Variants in FGD5 observed in about 807,000 individuals in gnomAD.
The protein encoded by FGD5 is FYVE, RhoGEF and PH domain-containing protein 5.
FGD5 carries 28 observed loss-of-function variants against 133.4 expected under a neutral mutation model. That is an observed-to-expected ratio of 0.21 (90% confidence interval 0.16 to 0.29). The LOEUF (loss-of-function observed/expected upper bound fraction) is 0.29. Ranked by LOEUF, FGD5 falls within the 10% of genes least tolerant of loss-of-function variation. The probability of loss-of-function intolerance (pLI) is 1.00; values close to 1 mark genes in which losing one functional copy is unlikely to be tolerated. For missense variants in FGD5, 1,858 were observed against 1,895.2 expected (o/e 0.98, Z 0.36); for synonymous variants, 810 against 776.5 (o/e 1.04, Z -0.72).
chr3:14,830,192 A>G (rs138992347), intron 1 of FGD5, among the ~76,000 whole-genome samples: 3 of 152,316 alleles, frequency 2.0e-5, no homozygotes, highest in Non-Finnish European at 2.9e-5. Context: ...ATTAAGTTTC[A>G]TTGAAAGGAC....
intron 11 of FGD5, among the ~76,000 whole-genome samples, chr3:14,913,619 G>A (rs779943380): frequency 2.4e-4 from 37 of 152,200 alleles, no homozygotes; most frequent in Non-Finnish European, 5.3e-4. Context: ...ACAGGGCAGA[G>A]CTCTGTCTTG....
chr3:14,868,689 A>G (rs2037546171), intron 2 of FGD5, among the ~76,000 whole-genome samples: 2 of 152,104 alleles, frequency 1.3e-5, no homozygotes, highest in South Asian at 2.1e-4. Context: ...AACAATACTC[A>G]TCTCCTAGTG....
intron 2 of FGD5, among the ~76,000 whole-genome samples, chr3:14,870,699 C>A (rs907319848): frequency 6.6e-6 from 1 of 152,196 alleles, no homozygotes; most frequent in Non-Finnish European, 1.5e-5. Flanking sequence ...GGTGGCATCC[C>A]AGAGCACACC....
chr3:14,884,429 T>A (rs2037886316), intron 4 of FGD5, among the ~76,000 whole-genome samples: 1 of 152,226 alleles, frequency 6.6e-6, no homozygotes, highest in South Asian at 2.1e-4. Flanking sequence ...GTTTACTTCA[T>A]CACTGCCTTC....
At chr3:14,848,312 C>T (rs1175323727) in intron 1 of FGD5, among the ~76,000 whole-genome samples, 1 of 152,100 alleles carries the variant, frequency 6.6e-6, no homozygotes, top group East Asian at 1.9e-4. Context: ...AACGCCTGAA[C>T]CCCAGGACAG....
chr3:14,924,161 A>G (rs753159891), intron 17 of FGD5, 23 bp downstream of exon 17: 15 of 1,613,658 alleles, frequency 9.3e-6, no homozygotes, highest in Middle Eastern at 1.6e-4. Flanking sequence ...GGGCTACCCA[A>G]GTGGGAAGTA....
chr3:14,854,077 T>G (rs768422406), intron 1 of FGD5, among the ~76,000 whole-genome samples: 1 of 152,002 alleles, frequency 6.6e-6, no homozygotes, highest in African/African-American at 2.4e-5. Flanking sequence ...CGTGTTCTTA[T>G]TGACTCCCAC....
At chr3:14,876,152 A>G (rs2037715478) in intron 2 of FGD5, among the ~76,000 whole-genome samples, 2 of 152,308 alleles carry the variant, frequency 1.3e-5, no homozygotes, top group African/African-American at 2.4e-5. Context: ...GACCCTGGGC[A>G]TACTTGGGGA....
At position 14,918,853 on chromosome 3, in the gene FGD5, G is replaced by A. The variant is rs1466112299; in HGVS notation, c.3569+20G>A. ...TGCGAGGTACGGGCAGGTGGAGGGA[G>A]GATGGCGCACAAGGCAGAGGTGTGA... On this transcript the variant is annotated intron_variant, in intron 13 of 19. Coordinates refer to ENST00000285046, the MANE Select transcript of FGD5 (RefSeq NM_152536.4). 4 of 1,613,374 alleles carry A rather than the reference G, an allele frequency of 2.5e-6. No individual in the cohort carries two copies. Among genetic ancestry groups the A allele is most frequent in the Non-Finnish European group, 3.4e-6 (4 of 1,179,490 alleles).
intron 1 of FGD5, among the ~76,000 whole-genome samples, chr3:14,831,740 A>G (rs2036712411): frequency 6.6e-6 from 1 of 152,220 alleles, no homozygotes; most frequent in South Asian, 2.1e-4. Flanking sequence ...GTTTTAGAGC[A>G]AAGGGTGGGA....
chr3:14,864,113 CCTG>C lies in FGD5; in HGVS notation c.2526-12_2526-10del. On this transcript the variant is annotated splice_polypyrimidine_tract_variant and intron_variant, in intron 1 of 19. Transcript: ENST00000285046. ...ACAAAAAGCTTTAACCCTTCTTTCCCCTGCTTTGACCCAGCGCCTACACAGAGC... is the reference window on the plus strand; with the variant it reads ...ACAAAAAGCTTTAACCCTTCTTTCCCCTTTGACCCAGCGCCTACACAGAGC... 6.2e-7 allele frequency: 1 copy of C among 1,608,658 alleles called. No individual in the cohort carries two copies. The highest frequency in any genetic ancestry group is 8.5e-7 in the Non-Finnish European group (1 of 1,176,074).
Position 14,922,920 on chromosome 3 carries a change from A to G in FGD5, c.3808-126A>G, listed in dbSNP as rs956950724. 5 of 1,356,774 alleles carry G rather than the reference A, an allele frequency of 3.7e-6. No homozygotes were observed. Among genetic ancestry groups the G allele is most frequent in the East Asian group, 2.3e-5 (1 of 43,284 alleles). 84.0% of individuals were successfully genotyped at this position (1,356,774 alleles called of 1,614,324 possible). A position where few individuals can be genotyped will look rare whatever the true frequency, so the allele number is the denominator to read the frequency against. On this transcript the variant is annotated intron_variant, in intron 15 of 19. Coordinates refer to ENST00000285046, the MANE Select transcript of FGD5 (RefSeq NM_152536.4). This position sits in a 1 kb window ranked among gnomAD's most constrained non-coding sequence, Gnocchi z 4.1. ...AAAAGTAGGGGACACGCACAGCTCC[A>G]TGATCAGAACCTGGGGCTCCCTAGG...
chr3:14,840,006 T>G (rs2036888859), intron 1 of FGD5, among the ~76,000 whole-genome samples: 1 of 152,146 alleles, frequency 6.6e-6, no homozygotes, highest in African/African-American at 2.4e-5. Flanking sequence ...AAAATTCAGA[T>G]CTGCAGGGAA....
chr3:14,865,169 G>A (rs1432722876), intron 2 of FGD5, among the ~76,000 whole-genome samples: 2 of 150,916 alleles, frequency 1.3e-5, no homozygotes, highest in African/African-American at 4.9e-5. Flanking sequence ...GACTGGAGAG[G>A]CAAAGAGTGA....
At position 14,914,967 on chromosome 3, in the gene FGD5, G is replaced by C. The variant is rs1052723206; in HGVS notation, c.3406-2282G>C. Among the ~76,000 whole-genome samples, 4 of 152,258 alleles carry C rather than the reference G, an allele frequency of 2.6e-5. No individual in the cohort carries two copies. The South Asian group carries it at 8.3e-4, about 32-fold the overall frequency. ...CAAGAACAGGGCTTCACAAACTAGA[G>C]CTGCAGGCCAAAGCCAGCCAGACAC... On this transcript the variant is annotated intron_variant, in intron 11 of 19. Coordinates refer to ENST00000285046, the MANE Select transcript of FGD5 (RefSeq NM_152536.4).
upstream of FGD5, among the ~76,000 whole-genome samples, chr3:14,817,782 G>C (rs1257370099): frequency 6.6e-6 from 1 of 152,214 alleles, no homozygotes; most frequent in Admixed American, 6.5e-5. Context: ...AGACCAGGCT[G>C]AAGGAGAAAC....
intron 1 of FGD5, among the ~76,000 whole-genome samples, chr3:14,843,652 C>T (rs1464412559): frequency 2.0e-5 from 3 of 149,512 alleles, no homozygotes; most frequent in African/African-American, 4.9e-5. Context: ...GAACCCTGGA[C>T]GCTTGGGCTC....
chr3:14,892,085 C>T (rs2038040060), intron 4 of FGD5, among the ~76,000 whole-genome samples: 1 of 152,132 alleles, frequency 6.6e-6, no homozygotes, highest in Admixed American at 6.5e-5. Flanking sequence ...GTAGAAAAGC[C>T]TCTGGCCTTC....
At chr3:14,877,415 C>T (rs1348813202) in intron 2 of FGD5, among the ~76,000 whole-genome samples, 2 of 152,084 alleles carry the variant, frequency 1.3e-5, no homozygotes, top group Admixed American at 1.3e-4. Flanking sequence ...AGCCTGTCCT[C>T]GACAGCTTGG....
Sources: allele counts gnomAD v4.1 joint callset (sites outside exome capture counted in the v4.1 genomes callset), GRCh38; gene constraint gnomAD v4.1.1; non-coding constraint Gnocchi (gnomAD v3.1); transcripts MANE v1.5; gene names NCBI Gene and HGNC (gene_info 2026-07-23, HGNC 2026-07-21).